The following TRAF5 variants were observed in gnomAD, a reference collection of about 807,000 sequenced individuals.
TRAF5 encodes the protein TNF receptor-associated factor 5.
Under a neutral mutation model 64.5 loss-of-function variants are expected in TRAF5, and 48 were observed. The observed-to-expected ratio is 0.74, with a 90% CI of 0.59 to 0.95. The LOEUF (loss-of-function observed/expected upper bound fraction) is 0.95. Among genes scored for constraint, TRAF5 ranks in the 40% least tolerant of loss-of-function variants. The pLI, the probability that TRAF5 is intolerant of heterozygous loss-of-function variation, is 0.00. For synonymous variants in TRAF5, 206 were observed against 240.5 expected (o/e 0.86, Z 1.33); for missense variants, 545 against 662.8 (o/e 0.82, Z 1.95).
intron 1 of TRAF5, among the ~76,000 whole-genome samples, chr1:211,337,370 G>A (rs140406054): frequency 3.9e-5 from 6 of 152,292 alleles, no homozygotes; most frequent in South Asian, 2.1e-4. Context: ...TCAAGAAGAC[G>A]CAAGGCAGTG....
intron 9 of TRAF5, among the ~76,000 whole-genome samples, chr1:211,370,287 CAT>C (rs1241711956): frequency 3.3e-5 from 5 of 151,944 alleles, no homozygotes; most frequent in South Asian, 2.1e-4. Flanking sequence ...GATTTCAAGA[CAT>C]GTGGTGTAGG....
chr1:211,349,176 C>T (rs1206579498), intron 1 of TRAF5, among the ~76,000 whole-genome samples: 2 of 152,150 alleles, frequency 1.3e-5, no homozygotes, highest in Non-Finnish European at 2.9e-5. Flanking sequence ...CCACTGCACT[C>T]CAGCCTGGGC....
intron 1 of TRAF5, among the ~76,000 whole-genome samples, chr1:211,350,991 G>A (rs1417012477): frequency 1.3e-5 from 2 of 149,564 alleles, no homozygotes; most frequent in Non-Finnish European, 3.0e-5. Context: ...GACTACAGGT[G>A]TGCACCACCA....
chr1:211,331,197 T>C (rs1558129406), intron 1 of TRAF5, among the ~76,000 whole-genome samples: 1 of 152,204 alleles, frequency 6.6e-6, no homozygotes, highest in African/African-American at 2.4e-5. Flanking sequence ...TTGACTCATT[T>C]TCCTGCCCCA....
intron 1 of TRAF5, among the ~76,000 whole-genome samples, chr1:211,337,776 G>T (rs1414986428): frequency 1.3e-5 from 2 of 152,174 alleles, no homozygotes; most frequent in African/African-American, 4.8e-5. Flanking sequence ...TCACTCCAAA[G>T]TTTTTGGTCC....
chr1:211,348,200 T>C (rs1276773359), intron 1 of TRAF5, among the ~76,000 whole-genome samples: 1 of 152,204 alleles, frequency 6.6e-6, no homozygotes, highest in Non-Finnish European at 1.5e-5. Flanking sequence ...TATCTTCTAT[T>C]AAGCAACACA....
At chr1:211,345,468 C>G (rs1314562624) in intron 1 of TRAF5, among the ~76,000 whole-genome samples, 1 of 152,092 alleles carries the variant, frequency 6.6e-6, no homozygotes, top group African/African-American at 2.4e-5. Context: ...ACTGCCGATC[C>G]TAGCAGGAGA....
intron 6 of TRAF5, 24 bp downstream of exon 6, chr1:211,360,803 TAG>T: frequency 6.3e-7 from 1 of 1,590,724 alleles, no homozygotes; most frequent in Non-Finnish European, 8.6e-7. Flanking sequence ...ATCCTCTCTG[TAG>T]ATTTTATGGA....
chr1:211,372,595 C>A lies in TRAF5; in HGVS notation c.1567C>A (p.Arg523Ser). ...GEMNIASGCP[R>S]FVAHSVLENA... is the part of the protein sequence containing the mutation. ...GATGAACATTGCATCTGGCTGTCCC[C>A]GCTTTGTGGCTCATTCTGTTTTGGA... Residue 523 changes from arginine to serine, a missense_variant, in exon 11 of 11, where the codon CGC becomes AGC. By Grantham distance (110) the Arg-to-Ser change is moderately radical. Coordinates refer to ENST00000261464, the MANE Select transcript of TRAF5 (RefSeq NM_001033910.3). The A allele has an allele frequency of 6.2e-7, 1 of 1,614,130 alleles. No individual in the cohort carries two copies. The highest frequency in any genetic ancestry group is 1.1e-5 in the South Asian group (1 of 91,072).
chr1:211,337,352 TCTG>T (rs1383124058), intron 1 of TRAF5, among the ~76,000 whole-genome samples: 2 of 152,096 alleles, frequency 1.3e-5, no homozygotes, highest in Non-Finnish European at 2.9e-5. Context: ...AGAAGCCTCT[TCTG>T]CTGTTCAAGA....
chr1:211,350,796 G>A (rs983812467), intron 1 of TRAF5, among the ~76,000 whole-genome samples: 4 of 152,182 alleles, frequency 2.6e-5, no homozygotes, highest in Non-Finnish European at 5.9e-5. Context: ...GCGTGCCAGT[G>A]TGGTTGGGTT....
At position 211,360,071 on chromosome 1, in the gene TRAF5, C is replaced by G. The variant is rs1335440007; in HGVS notation, c.538C>G (p.Leu180Val). 2 of 1,613,818 alleles carry G rather than the reference C, an allele frequency of 1.2e-6. No individual in the cohort carries two copies. Among genetic ancestry groups the G allele is most frequent in the African/African-American group, 2.7e-5 (2 of 74,936 alleles). The change falls in exon 5 of 11, where the codon CTA becomes GTA. Residue 180 changes from leucine (L) to valine (V), a missense_variant. Physicochemically the swap from Leu to Val is conservative, Grantham distance 32 (BLOSUM62 1). Transcript: ENST00000261464. ...YCKKDVVVIN[L>V]QNHEENLCPE... Reference sequence around the variant, plus strand: ...CAAAAAGGATGTGGTAGTCATCAATCTACAGGTGAAAAACAACACATACAA... The same window carrying G: ...CAAAAAGGATGTGGTAGTCATCAATGTACAGGTGAAAAACAACACATACAA...
chr1:211,358,865 C>T (rs1703077772), intron 4 of TRAF5: 1 of 147,370 alleles, frequency 6.8e-6, no homozygotes, highest in African/African-American at 2.5e-5. Context: ...ATAATAAATA[C>T]ATTATTGACA....
intron 1 of TRAF5, among the ~76,000 whole-genome samples, chr1:211,351,862 T>C (rs1477159017): frequency 6.6e-6 from 1 of 152,232 alleles, no homozygotes; most frequent in South Asian, 2.1e-4. Flanking sequence ...TCTTGATTAC[T>C]GTAGCTTTAT....
At position 211,372,770 on chromosome 1, in the gene TRAF5, CATATT is replaced by C; in HGVS notation, c.*69_*73del. 2.2e-6 allele frequency: 3 copies of C among 1,373,298 alleles called. No homozygotes were observed. Among genetic ancestry groups the C allele is most frequent in the Admixed American group, 2.0e-5 (1 of 50,526 alleles). 85.1% of individuals were successfully genotyped at this position (1,373,298 alleles called of 1,614,324 possible). ...TGTGGAGGAGAGCACATTTGATTAT[CATATT>C]GACCTGGATTTAGACTCAAAGCACA... On this transcript the variant is annotated 3_prime_UTR_variant, in exon 11 of 11. Coordinates refer to ENST00000261464, the MANE Select transcript of TRAF5 (RefSeq NM_001033910.3).
chr1:211,350,317 T>C (rs1472296140), intron 1 of TRAF5, among the ~76,000 whole-genome samples: 1 of 22,164 alleles, frequency 4.5e-5, no homozygotes, highest in Non-Finnish European at 2.2e-4. Flanking sequence ...CAGGCTCAAG[T>C]GATCCCCCCC....
At chr1:211,360,223 G>T (rs1464792097) in intron 5 of TRAF5, 147 bp downstream of exon 5, 9 of 838,380 alleles carry the variant, frequency 1.1e-5, no homozygotes, top group Non-Finnish European at 9.1e-6. Context: ...TTGGAGAGAA[G>T]TTCTGTGAAA....
At chr1:211,352,492 G>T (rs1441851862) in intron 1 of TRAF5, among the ~76,000 whole-genome samples, 1 of 149,016 alleles carries the variant, frequency 6.7e-6, no homozygotes, top group Non-Finnish European at 1.5e-5. Flanking sequence ...GGCCTGGTGT[G>T]GTGGTGTGTG....
chr1:211,332,157 A>T (rs1207855196), intron 1 of TRAF5, among the ~76,000 whole-genome samples: 4 of 152,210 alleles, frequency 2.6e-5, no homozygotes, highest in Non-Finnish European at 5.9e-5. Flanking sequence ...TTTCAAGGGC[A>T]GGAGTCTAGT....
Sources: gnomAD v4.1 joint callset for allele counts (sites outside exome capture counted in the v4.1 genomes callset) on GRCh38, gnomAD v4.1.1 for gene constraint, MANE v1.5 for transcripts, NCBI Gene and HGNC (gene_info 2026-07-23, HGNC 2026-07-21) for gene names.